The following KIF2A variants were observed in gnomAD, a reference collection of about 807,000 sequenced individuals.
KIF2A encodes kinesin-like protein KIF2A.
In KIF2A, 22 loss-of-function variants were observed where a neutral mutation model predicts 100.2. The ratio of observed to expected loss-of-function variants is 0.22; its 90% CI spans 0.16 to 0.31. KIF2A has a LOEUF of 0.31. Among genes scored for constraint, KIF2A ranks in the 10% least tolerant of loss-of-function variants. The probability of loss-of-function intolerance (pLI) is 1.00; values close to 1 mark genes in which losing one functional copy is unlikely to be tolerated. For missense variants in KIF2A, 495 were observed against 898.7 expected (o/e 0.55, Z 5.74); for synonymous variants, 268 against 285.9 (o/e 0.94, Z 0.63).
At chr5:62,315,813 G>A (rs1381722001) in intron 1 of KIF2A, among the ~76,000 whole-genome samples, 1 of 152,194 alleles carries the variant, frequency 6.6e-6, no homozygotes, top group Non-Finnish European at 1.5e-5. Flanking sequence ...GCATAGTACT[G>A]AAAATGAGAG....
At chr5:62,379,948 A>G (rs540980390) in intron 19 of KIF2A, among the ~76,000 whole-genome samples, 12 of 152,170 alleles carry the variant, frequency 7.9e-5, no homozygotes, top group African/African-American at 2.4e-4. Context: ...CTGGAGTGCA[A>G]TGGCGCGATC....
At chr5:62,355,050 G>C in intron 6 of KIF2A, 109 bp from the exon 7 acceptor site, 1 of 591,512 alleles carries the variant, frequency 1.7e-6, no homozygotes, top group Non-Finnish European at 3.0e-6. Context: ...TTAAGTTTAG[G>C]CTTGGTTATG....
chr5:62,363,795 C>T lies in KIF2A; in HGVS notation c.1363C>T (p.Leu455Phe). The T allele has an allele frequency of 1.2e-6, 2 of 1,613,904 alleles. No individual in the cohort carries two copies. The highest frequency in any genetic ancestry group is 1.7e-6 in the Non-Finnish European group (2 of 1,179,852). ...RKGKLHGKFSLIDLAGNERGA... is the reference protein window; with the variant it reads ...RKGKLHGKFSFIDLAGNERGA... ...AGGAAAACTACATGGCAAATTTTCT[C>T]TCATTGATTTGGCTGGAAATGAAAG... is the stretch of plus-strand genomic sequence containing the variant. Residue 455 changes from leucine (L) to phenylalanine (F), a missense_variant, in exon 14 of 21, where the codon CTC (leucine) becomes TTC (phenylalanine). By Grantham distance (22) the Leu-to-Phe change is conservative. Transcript: ENST00000407818.
chr5:62,348,059 G>T lies in KIF2A; in HGVS notation c.171G>T (p.Glu57Asp). Reference protein sequence around the residue: ...GDTKGKEIDLESIFSLNPDLV... With the variant: ...GDTKGKEIDLDSIFSLNPDLV... ...TGTGTTGTGAACAGATTGACCTGGA[G>T]AGCATCTTTTCACTTAACCCTGACC... Residue 57 changes from glutamate to aspartate, a missense_variant, in exon 3 of 21, where the codon GAG (glutamate) becomes GAT (aspartate). Transcript: ENST00000407818. 6.2e-7 allele frequency: 1 copy of T among 1,613,790 alleles called. No individual in the cohort carries two copies. The highest frequency in any genetic ancestry group is 1.1e-5 in the South Asian group (1 of 91,066).
intron 20 of KIF2A, among the ~76,000 whole-genome samples, chr5:62,381,633 T>A (rs945259930): frequency 1.3e-5 from 2 of 152,232 alleles, no homozygotes. Context: ...GGCGTGATCA[T>A]GGCTTACTGC....
intron 1 of KIF2A, among the ~76,000 whole-genome samples, chr5:62,346,290 T>G (rs779369643): frequency 3.9e-5 from 6 of 152,118 alleles, no homozygotes; most frequent in Non-Finnish European, 7.4e-5. Flanking sequence ...TAGAATAGAT[T>G]TGGATAGACA....
chr5:62,330,560 T>C (rs1423640256), intron 1 of KIF2A, among the ~76,000 whole-genome samples: 4 of 152,134 alleles, frequency 2.6e-5, no homozygotes, highest in Non-Finnish European at 5.9e-5. Context: ...GGAAACAACA[T>C]TGTTCTGCCA....
intron 1 of KIF2A, among the ~76,000 whole-genome samples, chr5:62,346,413 G>T (rs1448597935): frequency 6.6e-6 from 1 of 152,130 alleles, no homozygotes; most frequent in Non-Finnish European, 1.5e-5. Flanking sequence ...TGGTTTTTAA[G>T]TAAAAAGTAT....
intron 1 of KIF2A, among the ~76,000 whole-genome samples, chr5:62,328,040 C>G (rs1746464617): frequency 6.6e-6 from 1 of 152,200 alleles, no homozygotes; most frequent in Non-Finnish European, 1.5e-5. Context: ...TAGCATCGTT[C>G]AGTGTATTCA....
At chr5:62,381,548 C>A (rs961990542) in intron 20 of KIF2A, among the ~76,000 whole-genome samples, 1 of 152,152 alleles carries the variant, frequency 6.6e-6, no homozygotes, top group African/African-American at 2.4e-5. Flanking sequence ...GTTTGGTAGG[C>A]TGATGCTTAT....
chr5:62,363,195 C>G lies in KIF2A; in HGVS notation c.1137C>G (p.Asn379Lys), dbSNP rs1344873128. 1 of 1,607,832 alleles carries G rather than the reference C, an allele frequency of 6.2e-7. No homozygotes were observed. Among genetic ancestry groups the G allele is most frequent in the Non-Finnish European group, 8.5e-7 (1 of 1,177,194 alleles). Residue 379 changes from asparagine to lysine, a missense_variant, in exon 13 of 21, where the codon AAC becomes AAG. Physicochemically the swap from Asn to Lys is moderately conservative, Grantham distance 94. Coordinates refer to ENST00000407818, the MANE Select transcript of KIF2A (RefSeq NM_001098511.3). ...TTTCATAGGTGTTTGACTTGCTAAA[C>G]AGGAAAACAAAATTAAGAGTTCTAG... is the stretch of plus-strand genomic sequence containing the variant. ...IYSGKVFDLL[N>K]RKTKLRVLED... is the part of the protein sequence containing the mutation.
intron 20 of KIF2A, among the ~76,000 whole-genome samples, chr5:62,384,174 G>A (rs1011139236): frequency 7.2e-5 from 11 of 152,068 alleles, no homozygotes; most frequent in East Asian, 1.9e-4. Context: ...GGCAGGGGGC[G>A]GAGGGCGGAG....
At chr5:62,342,674 T>C (rs1747354447) in intron 1 of KIF2A, among the ~76,000 whole-genome samples, 1 of 152,154 alleles carries the variant, frequency 6.6e-6, no homozygotes. Flanking sequence ...CTCTGCTCAG[T>C]CCTGCTTCAC....
intron 1 of KIF2A, among the ~76,000 whole-genome samples, chr5:62,319,642 T>G (rs1053619750): frequency 6.6e-6 from 1 of 152,196 alleles, no homozygotes; most frequent in South Asian, 2.1e-4. Flanking sequence ...CTTTATAAAT[T>G]ATCTGTTTGC....
At chr5:62,329,937 A>G (rs1055157470) in intron 1 of KIF2A, among the ~76,000 whole-genome samples, 3 of 152,234 alleles carry the variant, frequency 2.0e-5, no homozygotes, top group Non-Finnish European at 2.9e-5. Context: ...ATGTTTTTCT[A>G]TGACTTAACT....
chr5:62,379,593 C>T (rs1462602415), intron 19 of KIF2A, among the ~76,000 whole-genome samples: 2 of 149,506 alleles, frequency 1.3e-5, no homozygotes, highest in African/African-American at 5.0e-5. Flanking sequence ...ACCCAGCAGG[C>T]GGAGGTTGCA....
intron 1 of KIF2A, among the ~76,000 whole-genome samples, chr5:62,308,724 G>T (rs1056534557): frequency 7.2e-5 from 11 of 152,064 alleles, no homozygotes; most frequent in Non-Finnish European, 1.2e-4. Context: ...TTTTTTTAAG[G>T]AGCTAAAATA....
intron 1 of KIF2A, among the ~76,000 whole-genome samples, chr5:62,346,573 C>T (rs959288261): frequency 6.6e-6 from 1 of 152,088 alleles, no homozygotes; most frequent in Non-Finnish European, 1.5e-5. Context: ...AACCCCGTCC[C>T]TACTAAAAAT....
At chr5:62,337,631 A>G (rs1382844299) in intron 1 of KIF2A, among the ~76,000 whole-genome samples, 1 of 152,034 alleles carries the variant, frequency 6.6e-6, no homozygotes, top group Non-Finnish European at 1.5e-5. Flanking sequence ...CCAGAAGTTA[A>G]AGACCAGCGT....
Sources: allele counts gnomAD v4.1 joint callset (sites outside exome capture counted in the v4.1 genomes callset), GRCh38; gene constraint gnomAD v4.1.1; transcripts MANE v1.5; gene names NCBI Gene and HGNC (gene_info 2026-07-23, HGNC 2026-07-21).